Variants in SPATA3 observed in about 807,000 individuals in gnomAD.
The protein encoded by SPATA3 is spermatogenesis associated 3, also known as spermatogenesis-associated protein 3.
In SPATA3, 6 loss-of-function variants were observed where a neutral mutation model predicts 5.7. The observed-to-expected ratio is 1.06, with a 90% confidence interval of 0.58 to 2.09. The LOEUF (loss-of-function observed/expected upper bound fraction) is 2.09, where lower values mean the gene tolerates loss of function less well. SPATA3 is among the 30% of genes most tolerant of loss of function. SPATA3 has a pLI of 0.00. For synonymous variants in SPATA3, 44 were observed against 48.4 expected, an observed-to-expected ratio of 0.91 and a Z score of 0.37; for missense variants, 155 against 130.4, an observed-to-expected ratio of 1.19 and a Z score of -0.92.
chr2:231,011,301 G>T (rs955880111), downstream of SPATA3, among the ~76,000 whole-genome samples: 1 of 152,032 alleles, frequency 6.6e-6, no homozygotes, highest in African/African-American at 2.4e-5. Context: ...TTTTAGTAGA[G>T]ACGGGGTTTC....
chr2:230,997,561 C>T (rs575087956), intron 1 of SPATA3, among the ~76,000 whole-genome samples: 1 of 152,326 alleles, frequency 6.6e-6, no homozygotes, highest in South Asian at 2.1e-4. Flanking sequence ...ATTGCATGGG[C>T]ATCCTATATT....
At chr2:231,002,720 G>T (rs150171511) in exon 3 of SPATA3, 1 of 1,530,864 alleles carries the variant, frequency 6.5e-7, no homozygotes, top group Admixed American at 2.1e-5. Flanking sequence ...ATCGTAACGC[G>T]TGTCCTCCAA....
intron 6 of SPATA3, among the ~76,000 whole-genome samples, chr2:231,017,376 G>A (rs186159128): frequency 7.2e-5 from 11 of 152,334 alleles, no homozygotes; most frequent in African/African-American, 1.4e-4. Flanking sequence ...AAGCACCCAC[G>A]GGTACAATGG....
At chr2:231,010,566 G>A (rs913345283), downstream of SPATA3, among the ~76,000 whole-genome samples, 9 of 152,176 alleles carry the variant, frequency 5.9e-5, no homozygotes, top group Non-Finnish European at 1.3e-4. Flanking sequence ...GGGAGAATGG[G>A]TTCTTGTTTC....
intron 6 of SPATA3, among the ~76,000 whole-genome samples, chr2:231,015,459 G>A (rs1395497190): frequency 6.6e-6 from 1 of 152,088 alleles, no homozygotes; most frequent in African/African-American, 2.4e-5. Flanking sequence ...AATGCCCCGT[G>A]TACCAAACAG....
rs192313425 is a variant in SPATA3, at chr2:231,019,535, G to A, written c.*566-185G>A. 1.8e-3 allele frequency among the ~76,000 whole-genome samples: 262 copies of A among 141,934 alleles called. 7 individuals are homozygous for A. Among genetic ancestry groups the A allele is most frequent in the East Asian group, 2.1e-3 (9 of 4,272 alleles). The allele number at this position is 141,934 out of a possible 152,430, so 93.1% of individuals were successfully genotyped here. A position where few individuals can be genotyped will look rare whatever the true frequency, so the allele number is the denominator to read the frequency against. On this transcript the variant is annotated intron_variant, in intron 6 of 8. Coordinates refer to the SPATA3 transcript ENST00000452881. ...GAGATGGGGTTTCACCGTGTTAGCC[G>A]GGATGGTCTCGATCTCCTGACCTCG...
chr2:231,016,870 T>C (rs1446728524), intron 6 of SPATA3, among the ~76,000 whole-genome samples: 1 of 152,078 alleles, frequency 6.6e-6, no homozygotes, highest in Non-Finnish European at 1.5e-5. Flanking sequence ...AACAACAGAC[T>C]CCTTCTCTCC....
chr2:231,016,815 T>G (rs1438085049), intron 6 of SPATA3, among the ~76,000 whole-genome samples: 2 of 152,154 alleles, frequency 1.3e-5, no homozygotes, highest in African/African-American at 4.8e-5. Flanking sequence ...CTCTCCTCTC[T>G]CCTCTCAGGC....
intron 1 of SPATA3, among the ~76,000 whole-genome samples, chr2:230,997,372 A>G (rs1289653352): frequency 1.3e-5 from 2 of 152,198 alleles, no homozygotes; most frequent in East Asian, 1.9e-4. Context: ...GTGGAACTGT[A>G]AGTTCCACAA....
chr2:231,008,704 T>G (rs1035400420), downstream of SPATA3, among the ~76,000 whole-genome samples: 23 of 152,214 alleles, frequency 1.5e-4, no homozygotes, highest in Non-Finnish European at 3.2e-4. Context: ...AGACACTTCC[T>G]TTTTCTGGCA....
At chr2:231,008,727 C>T (rs562281199), downstream of SPATA3, among the ~76,000 whole-genome samples, 22 of 152,324 alleles carry the variant, frequency 1.4e-4, no homozygotes, top group African/African-American at 5.1e-4. Flanking sequence ...TTGAGGTCCC[C>T]CTTTGTTGTA....
At chr2:231,000,240 C>A in intron 1 of SPATA3, 126 bp from the exon 2 acceptor site, 1 of 875,120 alleles carries the variant, frequency 1.1e-6, no homozygotes, top group Non-Finnish European at 1.6e-6. Context: ...AAAAATCCAG[C>A]GTTCGCCCTG....
chr2:231,003,035 C>T (rs374586680), downstream of SPATA3, among the ~76,000 whole-genome samples: 38 of 152,236 alleles, frequency 2.5e-4, no homozygotes, highest in South Asian at 6.4e-3. Flanking sequence ...TCCTCTGCCC[C>T]GGGATGGTGT....
At position 231,015,174 on chromosome 2, in the gene SPATA3, C is replaced by T. The variant is rs1036380627; in HGVS notation, c.*565+962C>T. ...ACCCTACAGAGTCCCAACTAAGGTG[C>T]GAAGGATGGAAAGAAAGGGAGTCCA... is the stretch of plus-strand genomic sequence containing the variant. On this transcript the variant is annotated intron_variant, in intron 6 of 8. Coordinates refer to the SPATA3 transcript ENST00000452881. Among the ~76,000 whole-genome samples, 8 of 150,270 alleles carry T rather than the reference C, an allele frequency of 5.3e-5. No homozygotes were observed. In the South Asian group the frequency reaches 1.5e-3, roughly 28 times the overall value.
chr2:230,996,436 C>A (rs962226725), intron 1 of SPATA3: 1 of 1,552,280 alleles, frequency 6.4e-7, no homozygotes. Context: ...CGGCAGCCAG[C>A]ATTCCAAGCC....
Position 231,015,257 on chromosome 2 carries a change from CTTT to C in SPATA3, c.*565+1065_*565+1067del, listed in dbSNP as rs35102459. Among the ~76,000 whole-genome samples, 15 of 94,112 alleles carry C rather than the reference CTTT, an allele frequency of 1.6e-4. No homozygotes were observed. The South Asian group carries it at 2.6e-3, about 16-fold the overall frequency. The allele number at this position is 94,112 out of a possible 152,430, so 61.7% of individuals were successfully genotyped here. A position where few individuals can be genotyped will look rare whatever the true frequency, so the allele number is the denominator to read the frequency against. On this transcript the variant is annotated intron_variant, in intron 6 of 8. Transcript: ENST00000452881. ...CACACCCAGCTAACTATCGTTTTGG[CTTT>C]TTTTTTTTTTTTTTTTTTTGGTAGA...
At chr2:231,010,857 C>G (rs1037180012), downstream of SPATA3, among the ~76,000 whole-genome samples, 1 of 150,516 alleles carries the variant, frequency 6.6e-6, no homozygotes, top group Non-Finnish European at 1.5e-5. Flanking sequence ...GACTTGAGCC[C>G]AGGAATTGGA....
At chr2:231,015,278 T>C (rs1692901386) in intron 6 of SPATA3, among the ~76,000 whole-genome samples, 1 of 148,536 alleles carries the variant, frequency 6.7e-6, no homozygotes, top group South Asian at 2.1e-4. Flanking sequence ...TTTTTTTTTT[T>C]TGGTAGAAAC....
intron 2 of SPATA3, among the ~76,000 whole-genome samples, 156 bp downstream of exon 2, chr2:231,000,693 C>G (rs959460227): frequency 1.3e-5 from 2 of 152,220 alleles, no homozygotes; most frequent in Non-Finnish European, 2.9e-5. Flanking sequence ...ACTTCCTGGA[C>G]GTTGGCAGGC....
Sources: gnomAD v4.1 joint callset for allele counts (sites outside exome capture counted in the v4.1 genomes callset) on GRCh38, gnomAD v4.1.1 for gene constraint, MANE v1.5 for transcripts, NCBI Gene and HGNC (gene_info 2026-07-23, HGNC 2026-07-21) for gene names.